Variants in IGFL2 observed in about 807,000 individuals in gnomAD.
IGFL2 encodes the protein IGF like family member 2.
IGFL2 carries 7 observed loss-of-function variants against 13.9 expected under a neutral mutation model. The observed-to-expected ratio is 0.51, with a 90% confidence interval of 0.29 to 0.95. The LOEUF is 0.95. Among genes scored for constraint, IGFL2 ranks in the 40% least tolerant of loss-of-function variants. IGFL2 has a pLI of 0.08. For missense variants in IGFL2, 138 were observed against 147.8 expected (o/e 0.93, Z 0.34); for synonymous variants, 55 against 55.8 (o/e 0.99, Z 0.07).
the IGFL2 span, among the ~76,000 whole-genome samples, chr19:46,132,047 TA>T: frequency 6.6e-6 from 1 of 152,230 alleles, no homozygotes; most frequent in African/African-American, 2.4e-5. Context: ...GTATTAAAGA[TA>T]AGAATATTCT....
At chr19:46,121,123 G>T in the IGFL2 span, among the ~76,000 whole-genome samples, 2 of 150,068 alleles carry the variant, frequency 1.3e-5, no homozygotes, top group Non-Finnish European at 2.9e-5. Context: ...CACTCCTATA[G>T]TCCCAGCACT....
intron 1 of IGFL2, among the ~76,000 whole-genome samples, chr19:46,150,023 A>T (rs973801829): frequency 3.3e-5 from 5 of 152,114 alleles, no homozygotes; most frequent in Non-Finnish European, 7.4e-5. Flanking sequence ...TTCTCTCCAG[A>T]TTCTTCAACC....
At chr19:46,102,125 C>T in the IGFL2 span, among the ~76,000 whole-genome samples, 1 of 152,260 alleles carries the variant, frequency 6.6e-6, no homozygotes, top group Non-Finnish European at 1.5e-5. Flanking sequence ...GTAAAAGTCC[C>T]TTTGAACCCC....
the IGFL2 span, among the ~76,000 whole-genome samples, chr19:46,087,240 G>A: frequency 2.0e-4 from 31 of 152,334 alleles, no homozygotes; most frequent in African/African-American, 6.3e-4. Context: ...CAAGCAGTCT[G>A]TGCTGATGTT....
the IGFL2 span, among the ~76,000 whole-genome samples, chr19:46,081,134 A>G: frequency 2.0e-5 from 3 of 152,200 alleles, no homozygotes; most frequent in Admixed American, 6.5e-5. Context: ...ACCAGGCCAC[A>G]CCAAAGGTCA....
At chr19:46,083,952 C>T in the IGFL2 span, among the ~76,000 whole-genome samples, 2 of 152,166 alleles carry the variant, frequency 1.3e-5, no homozygotes, top group African/African-American at 2.4e-5. Flanking sequence ...CCCTCTTAGA[C>T]CTGCTTTTGC....
At chr19:46,078,696 G>A in the IGFL2 span, among the ~76,000 whole-genome samples, 10 of 152,324 alleles carry the variant, frequency 6.6e-5, no homozygotes, top group Admixed American at 2.0e-4. Context: ...TCCGTCAAAA[G>A]GCCTGTGACG....
the IGFL2 span, among the ~76,000 whole-genome samples, chr19:46,180,404 C>G: frequency 6.6e-6 from 1 of 152,136 alleles, no homozygotes; most frequent in South Asian, 2.1e-4. Flanking sequence ...GTCTCGAACT[C>G]CTGACCTTGT....
intron 1 of IGFL2, chr19:46,148,778 G>A: frequency 2.4e-6 from 3 of 1,250,954 alleles, no homozygotes; most frequent in Non-Finnish European, 2.2e-6. Flanking sequence ...ATAGGGTTGG[G>A]GGCTCCCAGA....
chr19:46,101,522 T>C, the IGFL2 span, among the ~76,000 whole-genome samples: 1 of 152,192 alleles, frequency 6.6e-6, no homozygotes, highest in Admixed American at 6.5e-5. Context: ...ACTGGTGTGC[T>C]CCACTGTGGG....
the IGFL2 span, among the ~76,000 whole-genome samples, chr19:46,179,732 G>A: frequency 2.8e-3 from 421 of 152,152 alleles, 1 homozygote; most frequent in African/African-American, 9.6e-3. Context: ...CTTGACCAAC[G>A]TGATGAAACT....
At chr19:46,149,151 CCTCTCTCTCT>C (rs1169345645) in intron 1 of IGFL2, 27 of 216,272 alleles carry the variant, frequency 1.2e-4, no homozygotes, top group Non-Finnish European at 2.0e-4. Flanking sequence ...TCTCTCTCTC[CCTCTCTCTCT>C]TCTCTCTCTC....
the IGFL2 span, among the ~76,000 whole-genome samples, chr19:46,094,267 A>G: frequency 2.0e-5 from 3 of 152,136 alleles, no homozygotes; most frequent in Admixed American, 6.5e-5. Context: ...AATATCCAGA[A>G]ATAGACCCAC....
At chr19:46,191,675 C>G in the IGFL2 span, among the ~76,000 whole-genome samples, 4 of 152,034 alleles carry the variant, frequency 2.6e-5, no homozygotes, top group Admixed American at 1.3e-4. Flanking sequence ...TTTGGAGAGC[C>G]GCAGGTCATC....
chr19:46,168,343 G>A, the IGFL2 span, among the ~76,000 whole-genome samples: 1 of 152,132 alleles, frequency 6.6e-6, no homozygotes, highest in African/African-American at 2.4e-5. Flanking sequence ...CAAATGTCTG[G>A]TCTTATTTAA....
the IGFL2 span, among the ~76,000 whole-genome samples, chr19:46,103,958 G>C: frequency 1.3e-5 from 2 of 152,110 alleles, no homozygotes; most frequent in African/African-American, 4.8e-5. Flanking sequence ...TCCTGCAGGC[G>C]GACAGCAGTT....
intron 1 of IGFL2, chr19:46,149,078 T>C (rs747368410): frequency 7.9e-6 from 12 of 1,517,564 alleles, no homozygotes; most frequent in Non-Finnish European, 1.1e-5. Context: ...AGTTTTGTTG[T>C]GTGTATTCCA....
chr19:46,123,727 A>G, the IGFL2 span, among the ~76,000 whole-genome samples: 1 of 150,822 alleles, frequency 6.6e-6, no homozygotes, highest in Non-Finnish European at 1.5e-5. Flanking sequence ...AGAAAGGCAG[A>G]CTTATAGCTT....
At chr19:46,087,798 G>C in the IGFL2 span, among the ~76,000 whole-genome samples, 1 of 152,236 alleles carries the variant, frequency 6.6e-6, no homozygotes, top group Non-Finnish European at 1.5e-5. Flanking sequence ...GGTCCTGGCA[G>C]TGGGTGGGGA....
Sources: gnomAD v4.1 joint callset for allele counts (sites outside exome capture counted in the v4.1 genomes callset) on GRCh38, gnomAD v4.1.1 for gene constraint, MANE v1.5 for transcripts, NCBI Gene and HGNC (gene_info 2026-07-23, HGNC 2026-07-21) for gene names.